Variants in EMP2 observed in about 807,000 individuals in gnomAD.
The protein encoded by EMP2 is epithelial membrane protein 2.
A neutral mutation model predicts 13.7 loss-of-function variants in EMP2; 19 were observed. That is an observed-to-expected ratio of 1.38 (90% CI 0.97 to 2.03). The LOEUF (loss-of-function observed/expected upper bound fraction) is 2.03, where lower values mean the gene tolerates loss of function less well. Ranked by LOEUF, EMP2 falls within the 30% of genes most tolerant of loss-of-function variation. The pLI, the probability that EMP2 is intolerant of heterozygous loss-of-function variation, is 0.00. For synonymous variants in EMP2, 97 were observed against 84.7 expected, an observed-to-expected ratio of 1.15 and a Z score of -0.80; for missense variants, 253 against 220.7, an observed-to-expected ratio of 1.15 and a Z score of -0.93.
intron 1 of EMP2, among the ~76,000 whole-genome samples, chr16:10,556,368 T>A: frequency 6.6e-6 from 1 of 152,234 alleles, no homozygotes; most frequent in East Asian, 1.9e-4. Context: ...GCGGTTGGCC[T>A]GATTCTTTGC....
At chr16:10,555,192 C>A (rs951436881) in intron 1 of EMP2, among the ~76,000 whole-genome samples, 1 of 152,208 alleles carries the variant, frequency 6.6e-6, no homozygotes, top group African/African-American at 2.4e-5. Context: ...CCTCCAATCA[C>A]CCTATCTCAG....
intron 1 of EMP2, among the ~76,000 whole-genome samples, chr16:10,560,050 G>T (rs1446157291): frequency 6.6e-6 from 1 of 152,158 alleles, no homozygotes; most frequent in African/African-American, 2.4e-5. Flanking sequence ...GCTAGTAAAA[G>T]CTGGAGCTGG....
chr16:10,577,412 T>TC (rs967206752), intron 1 of EMP2, among the ~76,000 whole-genome samples: 3 of 151,582 alleles, frequency 2.0e-5, no homozygotes, highest in Non-Finnish European at 2.9e-5. Flanking sequence ...ATTTTTAGAC[T>TC]CCCCCCTGGC....
chr16:10,533,211 A>C, intron 4 of EMP2, 119 bp from the exon 5 acceptor site: 1 of 1,034,364 alleles, frequency 9.7e-7, no homozygotes, highest in Non-Finnish European at 1.3e-6. Flanking sequence ...GTTTATTATT[A>C]TTTTGTTGTA....
chr16:10,560,684 C>T (rs932513122), intron 1 of EMP2, among the ~76,000 whole-genome samples: 4 of 152,126 alleles, frequency 2.6e-5, no homozygotes, highest in Admixed American at 1.3e-4. Context: ...GTGTGATTGG[C>T]CCTGTGTTGG....
At chr16:10,546,581 G>A (rs1024585028) in intron 2 of EMP2, 1 of 150,220 alleles carries the variant, frequency 6.7e-6, no homozygotes, top group Non-Finnish European at 1.5e-5. Context: ...TGGTTGATAA[G>A]GAGGTGTCAG....
intron 1 of EMP2, among the ~76,000 whole-genome samples, chr16:10,562,952 G>A (rs767144935): frequency 1.3e-5 from 2 of 152,174 alleles, no homozygotes; most frequent in South Asian, 2.1e-4. Context: ...AAACCACACT[G>A]CAGCCCAGAG....
In EMP2 at chr16:10,529,704, G is replaced by T. The variant is rs914231443; in HGVS notation, c.*3201C>A. ...CCAGCACTTTGGAAGGCTGAGGTGG[G>T]CGGATCACCTGAGGTTGGGAGTTCG... On this transcript the variant is annotated 3_prime_UTR_variant, in exon 5 of 5. Coordinates refer to ENST00000359543, the MANE Select transcript of EMP2 (RefSeq NM_001424.6). The T allele has an allele frequency of 6.6e-6, 1 of 152,258 alleles. No individual in the cohort carries two copies. Among genetic ancestry groups the T allele is most frequent in the Admixed American group, 6.5e-5 (1 of 15,274 alleles). The allele number at this position is 152,258 out of a possible 1,614,324, so 9.4% of individuals were successfully genotyped here. A position where few individuals can be genotyped will look rare whatever the true frequency, so the allele number is the denominator to read the frequency against.
At position 10,532,628 on chromosome 16, in the gene EMP2, T is replaced by G. The variant is rs2050612595; in HGVS notation, c.*277A>C. The G allele has an allele frequency of 4.6e-6, 1 of 215,540 alleles. No individual in the cohort carries two copies. The highest frequency in any genetic ancestry group is 9.0e-6 in the Non-Finnish European group (1 of 110,628). The allele number at this position is 215,540 out of a possible 1,614,324, so 13.4% of individuals were successfully genotyped here. ...GAGTGCTTTTGGATTTGAGCATTGCTGGATTTTTGCTTGTGTCTTGTTGAG... is the reference window on the plus strand; with the variant it reads ...GAGTGCTTTTGGATTTGAGCATTGCGGGATTTTTGCTTGTGTCTTGTTGAG... On this transcript the variant is annotated 3_prime_UTR_variant, in exon 5 of 5. Coordinates refer to ENST00000359543, the MANE Select transcript of EMP2 (RefSeq NM_001424.6).
intron 1 of EMP2, among the ~76,000 whole-genome samples, chr16:10,548,539 G>A (rs2050757354): frequency 6.6e-6 from 1 of 151,808 alleles, no homozygotes; most frequent in African/African-American, 2.4e-5. Flanking sequence ...CAAAACATTT[G>A]GAAAACTAGC....
chr16:10,566,771 C>T (rs1007138758), intron 1 of EMP2, among the ~76,000 whole-genome samples: 2 of 152,140 alleles, frequency 1.3e-5, no homozygotes, highest in African/African-American at 4.8e-5. Context: ...TCGCTGAGTA[C>T]ACAGAGCATG....
intron 4 of EMP2, among the ~76,000 whole-genome samples, chr16:10,536,865 C>A (rs1485940317): frequency 1.3e-5 from 2 of 152,170 alleles, no homozygotes; most frequent in African/African-American, 4.8e-5. Context: ...AAGCAGTCCT[C>A]CTGCATGGGC....
At chr16:10,543,275 C>T (rs758799704) in intron 3 of EMP2, among the ~76,000 whole-genome samples, 10 of 152,246 alleles carry the variant, frequency 6.6e-5, no homozygotes, top group Non-Finnish European at 8.8e-5. Context: ...AGAGCTGAAG[C>T]TGGAGAAAGG....
At chr16:10,567,561 C>A (rs1243017014) in intron 1 of EMP2, among the ~76,000 whole-genome samples, 1 of 152,174 alleles carries the variant, frequency 6.6e-6, no homozygotes, top group Non-Finnish European at 1.5e-5. Context: ...GTTCCACAGC[C>A]CAGGGAGGGC....
intron 1 of EMP2, among the ~76,000 whole-genome samples, chr16:10,575,237 C>CTTATTTTTTTTTT (rs2050975185): frequency 1.9e-5 from 1 of 52,500 alleles, no homozygotes; most frequent in Non-Finnish European, 3.6e-5. Flanking sequence ...AGCTTGCATT[C>CTTATTTTTTTTTT]TTTTTTTTTT....
At chr16:10,566,215 A>C (rs927387608) in intron 1 of EMP2, among the ~76,000 whole-genome samples, 3 of 152,232 alleles carry the variant, frequency 2.0e-5, no homozygotes, top group African/African-American at 4.8e-5. Flanking sequence ...ATTTTCCTTC[A>C]TAATTGTCCT....
At chr16:10,558,603 C>T (rs756470507) in intron 1 of EMP2, among the ~76,000 whole-genome samples, 2 of 152,032 alleles carry the variant, frequency 1.3e-5, no homozygotes, top group Admixed American at 6.6e-5. Context: ...TGCTGTTGCT[C>T]GTGGAAAGTC....
intron 3 of EMP2, among the ~76,000 whole-genome samples, chr16:10,538,623 C>G (rs2050669490): frequency 6.6e-6 from 1 of 152,210 alleles, no homozygotes; most frequent in Non-Finnish European, 1.5e-5. Context: ...TCAGCCTTAA[C>G]AGAGACTGGG....
chr16:10,574,213 G>C (rs2050967209), intron 1 of EMP2, among the ~76,000 whole-genome samples: 1 of 151,940 alleles, frequency 6.6e-6, no homozygotes, highest in Non-Finnish European at 1.5e-5. Context: ...GCTGGGATTA[G>C]AGGCGTGAGC....
Sources: allele counts gnomAD v4.1 joint callset (sites outside exome capture counted in the v4.1 genomes callset), GRCh38; gene constraint gnomAD v4.1.1; transcripts MANE v1.5; gene names NCBI Gene and HGNC (gene_info 2026-07-23, HGNC 2026-07-21).